PAEP: variants seen among roughly 807,000 people sequenced by gnomAD.
PAEP encodes progestagen associated endometrial protein.
A neutral mutation model predicts 23.0 loss-of-function variants in PAEP; 28 were observed. The ratio of observed to expected loss-of-function variants is 1.22; its 90% CI spans 0.90 to 1.67. PAEP has a LOEUF of 1.67. Ranked by LOEUF, PAEP falls within the 40% of genes most tolerant of loss-of-function variation. The pLI is 0.00. For missense variants in PAEP, 209 were observed against 226.4 expected (o/e 0.92, Z 0.49); for synonymous variants, 103 against 92.4 (o/e 1.12, Z -0.66).
At chr9:135,562,260 G>A in intron 1 of PAEP, 34 bp from the exon 2 acceptor site, 1 of 1,605,946 alleles carries the variant, frequency 6.2e-7, no homozygotes, top group East Asian at 2.2e-5. Flanking sequence ...GCCATGGTGG[G>A]GTGGGACCGC....
chr9:135,565,643 C>A (rs561964518), intron 5 of PAEP, 129 bp downstream of exon 5: 3 of 1,329,564 alleles, frequency 2.3e-6, no homozygotes, highest in African/African-American at 1.4e-5. Context: ...TCTCCCCTGG[C>A]CTTCTGGGGT....
rs111633714 is a variant in PAEP at position 135,565,104 on chromosome 9, G to A, written c.422-306G>A. ...ATGCTTGGTGAGAGCCGGGCACTGG[G>A]AGAGCCAGGCACTGTGCTCTCCTGT... On this transcript the variant is annotated intron_variant, in intron 4 of 6. Transcript: ENST00000479141. Among the ~76,000 whole-genome samples, 560 of 152,328 alleles carry A rather than the reference G, an allele frequency of 3.7e-3. 1 individual carries two copies. Among genetic ancestry groups the A allele is most frequent in the Non-Finnish European group, 7.0e-3 (478 of 68,030 alleles).
chr9:135,563,662 T>G (rs1449995504), intron 3 of PAEP, among the ~76,000 whole-genome samples: 1 of 152,190 alleles, frequency 6.6e-6, no homozygotes, highest in Non-Finnish European at 1.5e-5. Flanking sequence ...GCTTACAGCA[T>G]GTCCTTGGTC....
intron 3 of PAEP, among the ~76,000 whole-genome samples, chr9:135,563,964 G>T (rs1178569316): frequency 1.3e-5 from 2 of 152,096 alleles, no homozygotes; most frequent in Admixed American, 6.5e-5. Flanking sequence ...TGACTTCTCA[G>T]TTGGAGTCTC....
intron 2 of PAEP, 111 bp from the exon 3 acceptor site, chr9:135,562,709 T>G (rs1832366744): frequency 1.1e-6 from 1 of 934,904 alleles, no homozygotes. Flanking sequence ...GGCTGCGGGC[T>G]GCGGTGCTCC....
At chr9:135,565,878 C>A in intron 6 of PAEP, 77 bp downstream of exon 6, 1 of 1,468,404 alleles carries the variant, frequency 6.8e-7, no homozygotes, top group Non-Finnish European at 9.6e-7. Flanking sequence ...CTCTGGGCCC[C>A]TGGGACAGAC....
rs370467571 is a variant in PAEP at position 135,564,033 on chromosome 9, C to G, written c.311-211C>G. Among the ~76,000 whole-genome samples, 47 of 152,326 alleles carry G rather than the reference C, an allele frequency of 3.1e-4. 1 individual carries two copies. The highest frequency in any genetic ancestry group is 9.6e-4 in the African/African-American group (40 of 41,566). On this transcript the variant is annotated intron_variant, in intron 3 of 6. Transcript: ENST00000479141. ...CCTCTCCACGGCACACCTGGCCTCT[C>G]CCCCTCAGCCGGGGCTCCATGGCCC...
chr9:135,564,555 G>A (rs929534064), intron 4 of PAEP: 2 of 883,634 alleles, frequency 2.3e-6, no homozygotes, highest in African/African-American at 3.6e-5. Flanking sequence ...TCAGGCTGGA[G>A]TGTAGTGACG....
chr9:135,566,043 C>T (rs1186461611), intron 6 of PAEP: 2 of 571,006 alleles, frequency 3.5e-6, no homozygotes, highest in African/African-American at 1.9e-5. Flanking sequence ...TATAGTCAGA[C>T]CTCATGCTTT....
At chr9:135,562,027 C>T in intron 1 of PAEP, 130 bp downstream of exon 1, 3 of 791,508 alleles carry the variant, frequency 3.8e-6, no homozygotes, top group Non-Finnish European at 2.0e-6. Flanking sequence ...CGTCAGGAAG[C>T]CCTCAGCCCT....
At chr9:135,564,653 G>C (rs528146594) in intron 4 of PAEP, 3 of 517,000 alleles carry the variant, frequency 5.8e-6, no homozygotes, top group Non-Finnish European at 5.0e-6. Flanking sequence ...ACAGGCGCAC[G>C]CCACCATGCC....
chr9:135,562,959 G>A (rs754798051), intron 3 of PAEP, 66 bp downstream of exon 3: 23 of 1,279,686 alleles, frequency 1.8e-5, no homozygotes, highest in Admixed American at 1.2e-4. Flanking sequence ...TCCCAGAGGC[G>A]GCTCTGCTGG....
intron 4 of PAEP, chr9:135,564,876 G>A (rs745402999): frequency 1.5e-5 from 15 of 985,274 alleles, no homozygotes; most frequent in Middle Eastern, 1.0e-3. Context: ...CCAGTGGGAC[G>A]GTCGCCAGTC....
At chr9:135,563,009 T>C in intron 3 of PAEP, 116 bp downstream of exon 3, 1 of 769,798 alleles carries the variant, frequency 1.3e-6, no homozygotes, top group Non-Finnish European at 2.3e-6. Flanking sequence ...CCACTCTCTC[T>C]GCTTCAGGGA....
At chr9:135,566,163 A>T in intron 6 of PAEP, 1 of 245,788 alleles carries the variant, frequency 4.1e-6, no homozygotes, top group Non-Finnish European at 7.7e-6. Flanking sequence ...TCTCGGTCCC[A>T]CGTTCTTTTT....
chr9:135,562,467 G>T (rs371927396), intron 2 of PAEP, 34 bp downstream of exon 2: 1 of 1,604,956 alleles, frequency 6.2e-7, no homozygotes, highest in African/African-American at 1.3e-5. Context: ...GGCTGGGCGG[G>T]GGCTCAGTCT....
At chr9:135,565,715 C>T (rs1234988932) in intron 5 of PAEP, 70 bp from the exon 6 acceptor site, 4 of 1,568,608 alleles carry the variant, frequency 2.6e-6, no homozygotes, top group Admixed American at 1.7e-5. Context: ...CTTCTCTAGC[C>T]CTGGGGCTGC....
chr9:135,563,263 T>C (rs1343237915), intron 3 of PAEP, among the ~76,000 whole-genome samples: 1 of 148,906 alleles, frequency 6.7e-6, no homozygotes, highest in East Asian at 2.0e-4. Context: ...TGTATACAGG[T>C]GGGCAGGAGG....
Position 135,562,401 on chromosome 9 carries a change from C to T in PAEP, c.204C>T (p.Pro68=), listed in dbSNP as rs145209418. ...RVHITSLLPT[P]EDNLEIVLHR... is the part of the protein sequence containing the mutation. ...ACATCACCTCACTGTTGCCCACCCC[C>T]GAGGACAACCTGGAGATCGTTCTGC... Residue 68 remains proline, a synonymous_variant, in exon 2 of 7, where the codon CCC becomes CCT. Coordinates refer to ENST00000479141, the MANE Select transcript of PAEP (RefSeq NM_002571.4). The T allele has an allele frequency of 2.0e-3, 3,196 of 1,614,048 alleles. 6 individuals are homozygous for T. Among genetic ancestry groups the T allele is most frequent in the Non-Finnish European group, 2.3e-3 (2,728 of 1,179,974 alleles).
Sources: allele counts gnomAD v4.1 joint callset (sites outside exome capture counted in the v4.1 genomes callset), GRCh38; gene constraint gnomAD v4.1.1; transcripts MANE v1.5; gene names NCBI Gene and HGNC (gene_info 2026-07-23, HGNC 2026-07-21).